TMEM255B: variants seen among roughly 807,000 people sequenced by gnomAD.
The protein encoded by TMEM255B is transmembrane protein 255B.
TMEM255B carries 35 observed loss-of-function variants against 34.5 expected under a neutral mutation model. The ratio of observed to expected loss-of-function variants is 1.01; its 90% CI spans 0.77 to 1.34. TMEM255B has a LOEUF of 1.34. Ranked by LOEUF, TMEM255B falls within the 40% of genes most tolerant of loss-of-function variation. TMEM255B has a pLI of 0.00. For synonymous variants in TMEM255B, 206 were observed against 201.2 expected (o/e 1.02, Z -0.20); for missense variants, 432 against 433.2 (o/e 1.00, Z 0.02).
At chr13:113,796,955 G>A (rs898212175) in intron 4 of TMEM255B, among the ~76,000 whole-genome samples, 13 of 152,060 alleles carry the variant, frequency 8.5e-5, no homozygotes, top group Non-Finnish European at 1.6e-4. Context: ...TCACACTCGC[G>A]CGCACACACA....
In TMEM255B at chr13:113,766,230, C is replaced by T. The variant is rs144865807; in HGVS notation, c.162C>T (p.Thr54=). The T allele has an allele frequency of 2.7e-5, 44 of 1,614,070 alleles. No homozygotes were observed. The highest frequency in any genetic ancestry group is 3.3e-4 in the Middle Eastern group (2 of 6,082). ...CCACCACCAGGACGGAGAATGTGACCGTTGGGGGCTACTACCCAGGGATCA... is the reference window on the plus strand; with the variant it reads ...CCACCACCAGGACGGAGAATGTGACTGTTGGGGGCTACTACCCAGGGATCA... The part of the protein sequence containing the change: ...LAATTRTENV[T]VGGYYPGIIL... The change falls in exon 2 of 9, where the codon ACC becomes ACT. Residue 54 remains threonine (T), a synonymous_variant. Coordinates refer to ENST00000375353, the MANE Select transcript of TMEM255B (RefSeq NM_182614.4).
chr13:113,812,136 A>C lies in TMEM255B; in HGVS notation c.*233A>C. ...TTGGCTTGGGCTCTGCTCACATCAA[A>C]TGGCGCTGAAAGTTCCCACCCGGCC... On this transcript the variant is annotated 3_prime_UTR_variant, in exon 9 of 9. Transcript: ENST00000375353. 1.9e-6 allele frequency: 1 copy of C among 540,372 alleles called. No homozygotes were observed. Among genetic ancestry groups the C allele is most frequent in the Non-Finnish European group, 3.2e-6 (1 of 312,458 alleles). The allele number at this position is 540,372 out of a possible 1,614,324, so 33.5% of individuals were successfully genotyped here.
chr13:113,805,149 T>C, intron 8 of TMEM255B, 121 bp downstream of exon 8: 1 of 1,223,306 alleles, frequency 8.2e-7, no homozygotes, highest in East Asian at 3.0e-5. Flanking sequence ...GGATTAGGGA[T>C]GGGAGGTGGG....
intron 7 of TMEM255B, 103 bp downstream of exon 7, chr13:113,801,915 G>A (rs1251620320): frequency 1.8e-5 from 24 of 1,310,980 alleles, no homozygotes; most frequent in Non-Finnish European, 2.3e-5. Flanking sequence ...CTTTACAGAT[G>A]GGGCACTGAA....
At position 113,759,250 on chromosome 13, in the gene TMEM255B, G is replaced by A. The variant is rs755061345; in HGVS notation, c.-20G>A. The A allele has an allele frequency of 1.6e-6, 2 of 1,227,880 alleles. No individual in the cohort carries two copies. Among genetic ancestry groups the A allele is most frequent in the Non-Finnish European group, 2.0e-6 (2 of 985,440 alleles). 76.1% of individuals were successfully genotyped at this position (1,227,880 alleles called of 1,614,324 possible). A position where few individuals can be genotyped will look rare whatever the true frequency, so the allele number is the denominator to read the frequency against. On this transcript the variant is annotated 5_prime_UTR_variant, in exon 1 of 9. Transcript: ENST00000375353. The stretch of plus-strand genomic sequence containing the variant: ...CGGGACTGTGGCTGTGGCCCCGGGA[G>A]AGCCGGGTGGGGCCTCGGGATGCAG...
Position 113,816,723 on chromosome 13 carries a change from A to G in TMEM255B, c.*4820A>G, listed in dbSNP as rs2138599645. On this transcript the variant is annotated 3_prime_UTR_variant, in exon 9 of 9. Coordinates refer to ENST00000375353, the MANE Select transcript of TMEM255B (RefSeq NM_182614.4). ...GGCCGGGGCCCGTCAGCAGATCCTC[A>G]GACGGCGACACGCGCCACTTCCTTT... 1 of 152,358 alleles carries G rather than the reference A, an allele frequency of 6.6e-6. No individual in the cohort carries two copies. The highest frequency in any genetic ancestry group is 1.9e-4 in the East Asian group (1 of 5,188). The allele number at this position is 152,358 out of a possible 1,614,324, so 9.4% of individuals were successfully genotyped here. A position where few individuals can be genotyped will look rare whatever the true frequency, so the allele number is the denominator to read the frequency against.
intron 3 of TMEM255B, among the ~76,000 whole-genome samples, chr13:113,794,498 G>A (rs1028708627): frequency 6.6e-6 from 1 of 152,098 alleles, no homozygotes; most frequent in Admixed American, 6.5e-5. Flanking sequence ...ATTCAGGAGG[G>A]TCTGCTCTGC....
At chr13:113,803,221 C>G (rs74118481) in intron 7 of TMEM255B, 1 of 148,040 alleles carries the variant, frequency 6.8e-6, no homozygotes, top group African/African-American at 2.5e-5. Flanking sequence ...CAGGGCCAGC[C>G]CGCAATGCAG....
rs9652267 is a variant in TMEM255B at position 113,806,020 on chromosome 13, G to A, written c.813+992G>A. On this transcript the variant is annotated intron_variant, in intron 8 of 8. Transcript: ENST00000375353. This position sits in a 1 kb window ranked among gnomAD's most constrained non-coding sequence, Gnocchi z 4.2. ...AAGGGCAGGGTGAACGTGGGGAGTC[G>A]TGAGTTTTGAAGTCACACATGACAC... Among the ~76,000 whole-genome samples the A allele has an allele frequency of 7.2e-5, 11 of 152,194 alleles. No individual in the cohort carries two copies. The highest frequency in any genetic ancestry group is 2.7e-4 in the African/African-American group (11 of 41,440).
In TMEM255B at chr13:113,806,242, G is replaced by C. The variant is rs997804746; in HGVS notation, c.813+1214G>C. 6.6e-6 allele frequency among the ~76,000 whole-genome samples: 1 copy of C among 152,012 alleles called. No homozygotes were observed. The highest frequency in any genetic ancestry group is 2.4e-5 in the African/African-American group (1 of 41,388). On this transcript the variant is annotated intron_variant, in intron 8 of 8. Transcript: ENST00000375353. The surrounding 1 kb of genome is among the most constrained non-coding windows in gnomAD (Gnocchi z 4.2). ...CCTGGGGACCTGCACCAGGGACCCC[G>C]AGGAGGGAGCAGGAACCAGCACTCA...
rs1477452428 is a variant in TMEM255B at position 113,769,276 on chromosome 13, G to A, written c.252+116G>A. On this transcript the variant is annotated intron_variant, in intron 3 of 8. Coordinates refer to ENST00000375353, the MANE Select transcript of TMEM255B (RefSeq NM_182614.4). This position sits in a 1 kb window ranked among gnomAD's most constrained non-coding sequence, Gnocchi z 4.2. The stretch of plus-strand genomic sequence containing the variant: ...CTCCCCAGCACACTGGTGTCTACAG[G>A]ACCAGCTCTGAGGTTCCCGGGCTGT... The A allele has an allele frequency of 8.6e-7, 1 of 1,167,264 alleles. No homozygotes were observed. Among genetic ancestry groups the A allele is most frequent in the Non-Finnish European group, 1.3e-6 (1 of 788,360 alleles). The allele number at this position is 1,167,264 out of a possible 1,614,324, so 72.3% of individuals were successfully genotyped here. A position where few individuals can be genotyped will look rare whatever the true frequency, so the allele number is the denominator to read the frequency against.
chr13:113,780,168 A>G (rs2050644822), intron 3 of TMEM255B, among the ~76,000 whole-genome samples: 1 of 152,222 alleles, frequency 6.6e-6, no homozygotes, highest in African/African-American at 2.4e-5. Context: ...TACTTACCCC[A>G]GATCAGAACC....
intron 3 of TMEM255B, among the ~76,000 whole-genome samples, chr13:113,780,026 T>C (rs1238778628): frequency 6.6e-6 from 1 of 152,208 alleles, no homozygotes; most frequent in African/African-American, 2.4e-5. Flanking sequence ...TGGAACTTTG[T>C]TTTATAGAAG....
intron 3 of TMEM255B, among the ~76,000 whole-genome samples, chr13:113,778,926 C>T (rs1309496868): frequency 6.6e-6 from 1 of 152,170 alleles, no homozygotes; most frequent in Non-Finnish European, 1.5e-5. Flanking sequence ...AAAAGCAGCT[C>T]AATAGTCAAA....
intron 1 of TMEM255B, among the ~76,000 whole-genome samples, chr13:113,763,965 C>T (rs930137659): frequency 2.1e-4 from 32 of 152,354 alleles, no homozygotes; most frequent in Admixed American, 2.0e-3. Flanking sequence ...AGGCCTTGGG[C>T]CGTGTGTTCC....
intron 8 of TMEM255B, among the ~76,000 whole-genome samples, chr13:113,807,741 T>C (rs1206199294): frequency 3.5e-5 from 4 of 113,838 alleles, no homozygotes; most frequent in Non-Finnish European, 6.9e-5. Context: ...GCTTATGGGA[T>C]GTGGGGGGTA....
rs1457207822 is a variant in TMEM255B at position 113,813,316 on chromosome 13, G to A, written c.*1413G>A. The A allele has an allele frequency of 6.6e-6, 1 of 152,322 alleles. No homozygotes were observed. Among genetic ancestry groups the A allele is most frequent in the Non-Finnish European group, 1.5e-5 (1 of 68,148 alleles). 9.4% of individuals were successfully genotyped at this position (152,322 alleles called of 1,614,324 possible). A position where few individuals can be genotyped will look rare whatever the true frequency, so the allele number is the denominator to read the frequency against. ...GCCTCCAGGCCTCACCGCTCTCAGG[G>A]CCTCACGTCCCTCCCTGCAAAGCCC... On this transcript the variant is annotated 3_prime_UTR_variant, in exon 9 of 9. Transcript: ENST00000375353.
At chr13:113,783,583 G>C (rs1360817744) in intron 3 of TMEM255B, among the ~76,000 whole-genome samples, 1 of 152,176 alleles carries the variant, frequency 6.6e-6, no homozygotes, top group African/African-American at 2.4e-5. Context: ...CAGACGTGGA[G>C]AAAATCAGAC....
chr13:113,794,923 G>T (rs116536476), intron 3 of TMEM255B, among the ~76,000 whole-genome samples: 7 of 152,244 alleles, frequency 4.6e-5, no homozygotes, highest in African/African-American at 1.7e-4. Flanking sequence ...ACGCCCTTCC[G>T]TGCAGAAGGC....
Sources: allele counts gnomAD v4.1 joint callset (sites outside exome capture counted in the v4.1 genomes callset), GRCh38; gene constraint gnomAD v4.1.1; non-coding constraint Gnocchi (gnomAD v3.1); transcripts MANE v1.5; gene names NCBI Gene and HGNC (gene_info 2026-07-23, HGNC 2026-07-21).